The following CDKAL1 variants were observed in gnomAD, a reference collection of about 807,000 sequenced individuals.
The protein encoded by CDKAL1 is threonylcarbamoyladenosine tRNA methylthiotransferase.
In CDKAL1, 32 loss-of-function variants were observed where a neutral mutation model predicts 68.2. The ratio of observed to expected loss-of-function variants is 0.47; its 90% CI spans 0.35 to 0.63. The LOEUF is 0.63. CDKAL1 is among the 30% of genes least tolerant of loss of function. The probability of loss-of-function intolerance (pLI) is 0.00; values close to 1 mark genes in which losing one functional copy is unlikely to be tolerated. For missense variants in CDKAL1, 606 were observed against 696.7 expected (o/e 0.87, Z 1.47); for synonymous variants, 234 against 244.3 (o/e 0.96, Z 0.39).
chr6:20,607,164 C>G (rs1415569164), intron 4 of CDKAL1, among the ~76,000 whole-genome samples: 2 of 152,084 alleles, frequency 1.3e-5, no homozygotes, highest in African/African-American at 4.8e-5. Context: ...AAAGAAAGAA[C>G]GTAAAGTAGT....
intron 9 of CDKAL1, among the ~76,000 whole-genome samples, chr6:20,936,651 G>A (rs1223576802): frequency 6.6e-6 from 1 of 151,966 alleles, no homozygotes. Flanking sequence ...ACTATGACAC[G>A]CTTCAGGATG....
At chr6:20,811,789 A>G (rs1188043019) in intron 8 of CDKAL1, among the ~76,000 whole-genome samples, 3 of 151,290 alleles carry the variant, frequency 2.0e-5, no homozygotes, top group Non-Finnish European at 4.4e-5. Flanking sequence ...TAGTAGTAAA[A>G]AAAAAAAAAA....
chr6:20,936,676 C>G (rs1763735073), intron 9 of CDKAL1, among the ~76,000 whole-genome samples: 1 of 152,036 alleles, frequency 6.6e-6, no homozygotes, highest in South Asian at 2.1e-4. Flanking sequence ...CTTTGAGTTT[C>G]TAATTGCAAA....
At chr6:20,763,579 C>T (rs1251983620) in intron 7 of CDKAL1, among the ~76,000 whole-genome samples, 1 of 152,168 alleles carries the variant, frequency 6.6e-6, no homozygotes, top group Non-Finnish European at 1.5e-5. Context: ...CTTGTTTCCA[C>T]ATTTGATCCC....
rs530491351 is a variant in CDKAL1 at position 20,998,378 on chromosome 6, G to A, written c.910-1849G>A. On this transcript the variant is annotated intron_variant, in intron 10 of 15. Transcript: ENST00000274695. Reference sequence around the variant, plus strand: ...TGTAATCCCAGCACTTTGAGAGGCTGAGGCAGGCGGATCACCTGAGGTCGG... The same window carrying A: ...TGTAATCCCAGCACTTTGAGAGGCTAAGGCAGGCGGATCACCTGAGGTCGG... Among the ~76,000 whole-genome samples, 3 of 152,258 alleles carry A rather than the reference G, an allele frequency of 2.0e-5. No homozygotes were observed. In the South Asian group the frequency reaches 6.2e-4, roughly 32 times the overall value.
intron 7 of CDKAL1, among the ~76,000 whole-genome samples, chr6:20,770,516 A>C (rs1774896436): frequency 6.6e-6 from 1 of 152,212 alleles, no homozygotes. Context: ...TGTAACCAGA[A>C]GTATTTTAAT....
chr6:20,992,730 C>T (rs1279485716), intron 10 of CDKAL1, among the ~76,000 whole-genome samples: 1 of 151,478 alleles, frequency 6.6e-6, no homozygotes, highest in Non-Finnish European at 1.5e-5. Context: ...AGTGAGACCC[C>T]GTCTCTAGGA....
chr6:21,053,591 A>G (rs904206733), intron 11 of CDKAL1, among the ~76,000 whole-genome samples: 2 of 152,214 alleles, frequency 1.3e-5, no homozygotes, highest in East Asian at 1.9e-4. Flanking sequence ...CCTTCAATGT[A>G]TAAGTGCGTC....
chr6:21,145,405 G>A (rs1190235537), intron 13 of CDKAL1, among the ~76,000 whole-genome samples: 1 of 152,054 alleles, frequency 6.6e-6, no homozygotes, highest in African/African-American at 2.4e-5. Context: ...CCCTCCTCCT[G>A]TGAAACTGGT....
At chr6:20,748,043 A>G (rs1749162153) in intron 6 of CDKAL1, among the ~76,000 whole-genome samples, 2 of 152,230 alleles carry the variant, frequency 1.3e-5, no homozygotes, top group African/African-American at 2.4e-5. Context: ...TACAGATTCA[A>G]TGCAGTTTCT....
At chr6:20,790,344 C>G (rs9368235) in intron 8 of CDKAL1, among the ~76,000 whole-genome samples, 146,051 of 152,264 alleles carry the variant, frequency 0.96, 70,058 homozygotes, top group East Asian at 1. Context: ...AATTTAAGCA[C>G]TGGTGGGGTG....
chr6:20,913,158 C>CACACACACATAT (rs1229681370), intron 9 of CDKAL1, among the ~76,000 whole-genome samples: 2 of 145,694 alleles, frequency 1.4e-5, no homozygotes, highest in Admixed American at 6.8e-5. Flanking sequence ...CACACACACA[C>CACACACACATAT]ATTACCACAA....
chr6:20,747,687 T>G (rs1270622368), intron 6 of CDKAL1, among the ~76,000 whole-genome samples: 3 of 152,246 alleles, frequency 2.0e-5, no homozygotes, highest in Non-Finnish European at 2.9e-5. Flanking sequence ...ATTTAATTAT[T>G]TTGCCATTAA....
chr6:21,082,292 A>G (rs1227008830), intron 12 of CDKAL1, among the ~76,000 whole-genome samples: 1 of 152,132 alleles, frequency 6.6e-6, no homozygotes, highest in Non-Finnish European at 1.5e-5. Context: ...GAAACCTTCC[A>G]TTGTTTGGAT....
chr6:21,191,530 G>A (rs114185880), intron 13 of CDKAL1, among the ~76,000 whole-genome samples: 2 of 152,182 alleles, frequency 1.3e-5, no homozygotes, highest in African/African-American at 4.8e-5. Context: ...CCGTGATGTT[G>A]TAAGTTTTCC....
At chr6:20,893,780 G>A (rs1252834660) in intron 9 of CDKAL1, among the ~76,000 whole-genome samples, 2 of 152,164 alleles carry the variant, frequency 1.3e-5, no homozygotes, top group Admixed American at 6.5e-5. Flanking sequence ...GGATAAAAAT[G>A]AAGAAATGTA....
At chr6:20,986,083 A>G (rs186868996) in intron 10 of CDKAL1, among the ~76,000 whole-genome samples, 1 of 152,198 alleles carries the variant, frequency 6.6e-6, no homozygotes, top group African/African-American at 2.4e-5. Flanking sequence ...TTGTTTTCAT[A>G]TTCAGATTTC....
intron 10 of CDKAL1, among the ~76,000 whole-genome samples, chr6:20,963,148 G>A (rs1274809168): frequency 6.6e-6 from 1 of 152,154 alleles, no homozygotes; most frequent in Non-Finnish European, 1.5e-5. Context: ...TGAAAGGAAT[G>A]TCCTTTCTTG....
chr6:21,212,287 CCT>C (rs1254897349), intron 15 of CDKAL1, among the ~76,000 whole-genome samples: 1 of 152,092 alleles, frequency 6.6e-6, no homozygotes, highest in Non-Finnish European at 1.5e-5. Context: ...AGGTTGAAAT[CCT>C]CTGTTACTCC....
Sources: allele counts gnomAD v4.1 joint callset (sites outside exome capture counted in the v4.1 genomes callset), GRCh38; gene constraint gnomAD v4.1.1; transcripts MANE v1.5; gene names NCBI Gene and HGNC (gene_info 2026-07-23, HGNC 2026-07-21).